PLPP3: variants seen among roughly 807,000 people sequenced by gnomAD.
PLPP3 encodes PAP2 beta.
A neutral mutation model predicts 29.6 loss-of-function variants in PLPP3; 6 were observed. That is an observed-to-expected ratio of 0.20 (90% CI 0.11 to 0.40). The LOEUF (loss-of-function observed/expected upper bound fraction) is 0.40, where lower values mean the gene tolerates loss of function less well. PLPP3 is among the 10% of genes least tolerant of loss of function. PLPP3 has a pLI of 1.00. For missense variants in PLPP3, 308 were observed against 407.7 expected (o/e 0.76, Z 2.11); for synonymous variants, 152 against 159.7 (o/e 0.95, Z 0.36).
chr1:56,566,874 A>T (rs1466407928), intron 1 of PLPP3, among the ~76,000 whole-genome samples: 1 of 152,210 alleles, frequency 6.6e-6, no homozygotes, highest in Non-Finnish European at 1.5e-5. Context: ...AGTCTAAAAG[A>T]TACATGGTAA....
chr1:56,573,779 C>T (rs182462707), intron 1 of PLPP3, among the ~76,000 whole-genome samples: 1 of 152,206 alleles, frequency 6.6e-6, no homozygotes, highest in Non-Finnish European at 1.5e-5. Flanking sequence ...ACTGCCTACA[C>T]AGGGAAGAAG....
chr1:56,566,913 T>C (rs1646165359), intron 1 of PLPP3, among the ~76,000 whole-genome samples: 1 of 152,182 alleles, frequency 6.6e-6, no homozygotes, highest in African/African-American at 2.4e-5. Flanking sequence ...CAACTACACA[T>C]ACACAGCCAT....
At chr1:56,570,509 T>C (rs992896078) in intron 1 of PLPP3, among the ~76,000 whole-genome samples, 2 of 152,202 alleles carry the variant, frequency 1.3e-5, no homozygotes, top group Admixed American at 6.5e-5. Flanking sequence ...CTGAAGTGCG[T>C]TGTTTTGTTT....
At chr1:56,527,451 G>A (rs973555617) in intron 2 of PLPP3, among the ~76,000 whole-genome samples, 1 of 152,084 alleles carries the variant, frequency 6.6e-6, no homozygotes, top group Non-Finnish European at 1.5e-5. Context: ...GTAGAGCCCA[G>A]GTATTCTGAC....
rs147760726 is a variant in PLPP3 at position 56,547,988 on chromosome 1, G to T, written c.140-10876C>A. On this transcript the variant is annotated intron_variant, in intron 1 of 5. Coordinates refer to ENST00000371250, the MANE Select transcript of PLPP3 (RefSeq NM_003713.5). ...GAAGGCAGGTATTTAACAAAGATTA[G>T]TTCTCTTCCTTCCCAGTCCTGAAAA... Among the ~76,000 whole-genome samples the T allele has an allele frequency of 2.4e-4, 36 of 152,332 alleles. No homozygotes were observed. The East Asian group carries it at 6.7e-3, about 29-fold the overall frequency.
chr1:56,552,621 C>T (rs1356028785), intron 1 of PLPP3, among the ~76,000 whole-genome samples: 1 of 152,086 alleles, frequency 6.6e-6, no homozygotes, highest in African/African-American at 2.4e-5. Flanking sequence ...ATTGATCTTT[C>T]CCCTACAGGG....
intron 4 of PLPP3, among the ~76,000 whole-genome samples, chr1:56,523,018 C>T (rs768610048): frequency 6.6e-6 from 1 of 152,162 alleles, no homozygotes; most frequent in Non-Finnish European, 1.5e-5. Context: ...AGAGCAGACA[C>T]GGCCATGAGA....
chr1:56,512,414 C>A (rs1557499296), intron 4 of PLPP3: 3 of 354,432 alleles, frequency 8.5e-6, no homozygotes, highest in Non-Finnish European at 1.5e-5. Flanking sequence ...GTGTTTGAGA[C>A]CAGTCTGGCC....
intron 2 of PLPP3, among the ~76,000 whole-genome samples, chr1:56,528,772 C>A (rs1461160867): frequency 6.6e-6 from 1 of 150,540 alleles, no homozygotes; most frequent in East Asian, 2.0e-4. Flanking sequence ...TTGGAAATAC[C>A]ACCCCTCCAG....
At chr1:56,572,562 C>T (rs1216262011) in intron 1 of PLPP3, among the ~76,000 whole-genome samples, 1 of 152,130 alleles carries the variant, frequency 6.6e-6, no homozygotes, top group Non-Finnish European at 1.5e-5. Context: ...CTTTGACTTT[C>T]CCAGAAAGGG....
rs1189939905 is a variant in PLPP3 at position 56,524,594 on chromosome 1, T to A, written c.298-40A>T. The A allele has an allele frequency of 6.3e-7, 1 of 1,584,908 alleles. No homozygotes were observed. The highest frequency in any genetic ancestry group is 1.1e-5 in the South Asian group (1 of 89,720). On this transcript the variant is annotated intron_variant, in intron 2 of 5. Transcript: ENST00000371250. The surrounding 1 kb of genome is among the most constrained non-coding windows in gnomAD (Gnocchi z 4.3). ...ACAGGGGAATTAGGCAGTATCAAGATTCATCATCAACACTGATGCCGTAAC... is the reference window on the plus strand; with the variant it reads ...ACAGGGGAATTAGGCAGTATCAAGAATCATCATCAACACTGATGCCGTAAC...
rs775806317 is a variant in PLPP3 at position 56,512,115 on chromosome 1, C to T, written c.671G>A (p.Arg224His). 98 of 1,608,340 alleles carry T rather than the reference C, an allele frequency of 6.1e-5. No homozygotes were observed. The highest frequency in any genetic ancestry group is 7.1e-5 in the Non-Finnish European group (84 of 1,178,172). The change falls in exon 5 of 6, where the codon CGC becomes CAC. Residue 224 changes from arginine (R) to histidine (H), a missense_variant. Coordinates refer to ENST00000371250, the MANE Select transcript of PLPP3 (RefSeq NM_003713.5). ...LQARFTWRGA[R>H]LLRPLLQFTL... Reference sequence around the variant, plus strand: ...GAACTGCAGGAGGGGCCGGAGCAGGCGGGCTCCTCGCCAAGTGAAGCGGGC... The same window carrying T: ...GAACTGCAGGAGGGGCCGGAGCAGGTGGGCTCCTCGCCAAGTGAAGCGGGC...
At chr1:56,518,274 C>T (rs1236253064) in intron 4 of PLPP3, among the ~76,000 whole-genome samples, 1 of 152,188 alleles carries the variant, frequency 6.6e-6, no homozygotes. Context: ...AGACCCTAGG[C>T]TCCAGGGCGC....
At chr1:56,562,520 T>A (rs1646137671) in intron 1 of PLPP3, among the ~76,000 whole-genome samples, 1 of 152,086 alleles carries the variant, frequency 6.6e-6, no homozygotes, top group Non-Finnish European at 1.5e-5. Context: ...ACAAAAAAAA[T>A]ATTCATTGTA....
chr1:56,517,756 GC>G (rs1645791379), intron 4 of PLPP3, among the ~76,000 whole-genome samples: 1 of 152,134 alleles, frequency 6.6e-6, no homozygotes, highest in African/African-American at 2.4e-5. Flanking sequence ...CAGTTTGAGG[GC>G]AAAACACCAA....
intron 1 of PLPP3, among the ~76,000 whole-genome samples, chr1:56,551,279 GGGTTTGGTTTGGTTC>G (rs1403367338): frequency 1.5e-5 from 2 of 135,924 alleles, no homozygotes; most frequent in South Asian, 2.5e-4. Context: ...TCTGGGTTTG[GGGTTTGGTTTGGTTC>G]GGTTCGGTTC....
rs367613181 is a variant in PLPP3 at position 56,524,474 on chromosome 1, G to A, written c.378C>T (p.Leu126=). The stretch of plus-strand genomic sequence containing the variant: ...AGAGGAAGCAGCCCACTTGCTTATA[G>A]AGTGCTGCCACGTAGGGGTTCTGAA... ...STIQNPYVAA[L]YKQVGCFLFG... Residue 126 remains leucine (L), a synonymous_variant, in exon 3 of 6, where the codon CTC becomes CTT. Coordinates refer to ENST00000371250, the MANE Select transcript of PLPP3 (RefSeq NM_003713.5). The surrounding 1 kb of genome is among the most constrained non-coding windows in gnomAD (Gnocchi z 4.3). The A allele has an allele frequency of 6.2e-7, 1 of 1,614,122 alleles. No homozygotes were observed. Among genetic ancestry groups the A allele is most frequent in the African/African-American group, 1.3e-5 (1 of 75,060 alleles).
At chr1:56,563,782 T>C (rs1277526556) in intron 1 of PLPP3, among the ~76,000 whole-genome samples, 1 of 152,206 alleles carries the variant, frequency 6.6e-6, no homozygotes, top group East Asian at 1.9e-4. Context: ...TCCACCTTCA[T>C]AGTGTTGTTG....
intron 1 of PLPP3, among the ~76,000 whole-genome samples, chr1:56,570,058 C>T (rs1646187483): frequency 6.6e-6 from 1 of 152,202 alleles, no homozygotes; most frequent in African/African-American, 2.4e-5. Context: ...TTTCACCAGC[C>T]TGGGAATTCC....
Sources: allele counts gnomAD v4.1 joint callset (sites outside exome capture counted in the v4.1 genomes callset), GRCh38; gene constraint gnomAD v4.1.1; non-coding constraint Gnocchi (gnomAD v3.1); transcripts MANE v1.5; gene names NCBI Gene and HGNC (gene_info 2026-07-23, HGNC 2026-07-21).